Variants in LRRC4C observed in about 807,000 individuals in gnomAD.
LRRC4C encodes the protein leucine-rich repeat-containing protein 4C.
Under a neutral mutation model 33.6 loss-of-function variants are expected in LRRC4C, and 5 were observed. The ratio of observed to expected loss-of-function variants is 0.15; its 90% CI spans 0.08 to 0.31. The LOEUF (loss-of-function observed/expected upper bound fraction) is 0.31. Among genes scored for constraint, LRRC4C ranks in the 10% least tolerant of loss-of-function variants. The probability of loss-of-function intolerance (pLI) is 1.00; values close to 1 mark genes in which losing one functional copy is unlikely to be tolerated. For synonymous variants in LRRC4C, 329 were observed against 302.0 expected (o/e 1.09, Z -0.93); for missense variants, 560 against 796.7 (o/e 0.70, Z 3.58).
At chr11:41,396,107 T>G (rs1407219670) in intron 1 of LRRC4C, among the ~76,000 whole-genome samples, 1 of 152,016 alleles carries the variant, frequency 6.6e-6, no homozygotes, top group African/African-American at 2.4e-5. Flanking sequence ...AGACAAATTC[T>G]TCTTCCAATG....
chr11:41,265,866 C>CT (rs1223587122), intron 1 of LRRC4C, among the ~76,000 whole-genome samples: 2 of 35,326 alleles, frequency 5.7e-5, no homozygotes, highest in African/African-American at 2.6e-4. Context: ...GCCCATGGGT[C>CT]TTTTCTTTTT....
intron 1 of LRRC4C, among the ~76,000 whole-genome samples, chr11:41,184,275 AT>A (rs754225755): frequency 3.4e-4 from 51 of 151,004 alleles, no homozygotes; most frequent in Non-Finnish European, 6.2e-4. Context: ...TTCCTGTCAT[AT>A]TGTCAGGGTG....
At position 40,630,236 on chromosome 11, in the gene LRRC4C, G is replaced by GA. The variant is rs1217990628; in HGVS notation, c.-270+17905dup. Among the ~76,000 whole-genome samples the GA allele has an allele frequency of 2.6e-5, 4 of 152,016 alleles. No homozygotes were observed. In the South Asian group the frequency reaches 8.3e-4, roughly 32 times the overall value. ...AGGACAGGTACAAGAATCACATTGG[G>GA]AAAAAATATGACAATACACTAAGAC... On this transcript the variant is annotated intron_variant, in intron 3 of 6. Transcript: ENST00000528697.
intron 2 of LRRC4C, among the ~76,000 whole-genome samples, chr11:40,772,106 G>A (rs1464779226): frequency 6.6e-6 from 1 of 152,122 alleles, no homozygotes; most frequent in Non-Finnish European, 1.5e-5. Flanking sequence ...GCCCAAGACC[G>A]GGTAATTTAT....
At chr11:40,569,156 C>T (rs919461988) in intron 3 of LRRC4C, among the ~76,000 whole-genome samples, 2 of 152,144 alleles carry the variant, frequency 1.3e-5, no homozygotes, top group African/African-American at 4.8e-5. Flanking sequence ...GATCTCCACA[C>T]CTTTCAGGCC....
At position 41,211,601 on chromosome 11, in the gene LRRC4C, T is replaced by C. The variant is rs140478445; in HGVS notation, c.-496+247830A>G. Among the ~76,000 whole-genome samples the C allele has an allele frequency of 7.0e-3, 1,067 of 152,298 alleles. 14 individuals carry two copies. Among genetic ancestry groups the C allele is most frequent in the African/African-American group, 0.024 (993 of 41,560 alleles). Reference sequence around the variant, plus strand: ...AGTGTTTGGTTTTTTGTCCTTGTGATAGTTGGCTGAGAATGATGGTTTCCA... The same window carrying C: ...AGTGTTTGGTTTTTTGTCCTTGTGACAGTTGGCTGAGAATGATGGTTTCCA... On this transcript the variant is annotated intron_variant, in intron 1 of 6. Coordinates refer to ENST00000528697, the MANE Select transcript of LRRC4C (RefSeq NM_001258419.2).
chr11:40,503,584 T>G (rs1954886030), intron 3 of LRRC4C, among the ~76,000 whole-genome samples: 1 of 152,178 alleles, frequency 6.6e-6, no homozygotes, highest in Non-Finnish European at 1.5e-5. Flanking sequence ...TTCAATCTAT[T>G]TAAAGCTTCT....
At chr11:41,330,710 TG>T (rs1192233659) in intron 1 of LRRC4C, among the ~76,000 whole-genome samples, 1 of 152,130 alleles carries the variant, frequency 6.6e-6, no homozygotes, top group African/African-American at 2.4e-5. Flanking sequence ...TCCAAGTAAC[TG>T]GAACTACAGT....
intron 1 of LRRC4C, among the ~76,000 whole-genome samples, chr11:41,437,382 C>T (rs1955462232): frequency 1.3e-5 from 2 of 151,028 alleles, no homozygotes; most frequent in African/African-American, 2.4e-5. Context: ...CTCTCTCTTG[C>T]TCATTAAGAC....
intron 2 of LRRC4C, among the ~76,000 whole-genome samples, chr11:40,782,456 T>G (rs971411343): frequency 1.1e-4 from 16 of 152,010 alleles, no homozygotes; most frequent in Non-Finnish European, 2.4e-4. Flanking sequence ...TTTTTTTTTT[T>G]TTCTAGGAAC....
intron 3 of LRRC4C, among the ~76,000 whole-genome samples, chr11:40,395,371 C>T (rs966122753): frequency 3.3e-5 from 5 of 152,136 alleles, no homozygotes; most frequent in African/African-American, 1.2e-4. Context: ...GATGTCTTCA[C>T]AGTGCCTTCT....
At chr11:40,985,013 T>C (rs1852896882) in intron 1 of LRRC4C, among the ~76,000 whole-genome samples, 2 of 148,272 alleles carry the variant, frequency 1.3e-5, no homozygotes, top group Non-Finnish European at 3.0e-5. Context: ...GCGATTCTCC[T>C]GCCTCAGCCT....
intron 1 of LRRC4C, among the ~76,000 whole-genome samples, chr11:41,296,247 C>T (rs11036346): frequency 0.13 from 19,398 of 152,052 alleles, 1,371 homozygotes; most frequent in Middle Eastern, 0.24. Context: ...GAAATCCTGG[C>T]GGTTGTTCTG....
At chr11:40,847,855 C>T (rs1953268794) in intron 2 of LRRC4C, among the ~76,000 whole-genome samples, 1 of 137,450 alleles carries the variant, frequency 7.3e-6, no homozygotes, top group African/African-American at 2.7e-5. Flanking sequence ...TTGGTCTATT[C>T]AGGAATTCAA....
At chr11:40,768,909 C>A (rs1949614086) in intron 2 of LRRC4C, among the ~76,000 whole-genome samples, 1 of 152,004 alleles carries the variant, frequency 6.6e-6, no homozygotes, top group South Asian at 2.1e-4. Flanking sequence ...AAAGTCTTTC[C>A]TCTAAGATCT....
chr11:41,194,464 C>A (rs1459223762), intron 1 of LRRC4C, among the ~76,000 whole-genome samples: 5 of 152,076 alleles, frequency 3.3e-5, no homozygotes, highest in Admixed American at 2.6e-4. Flanking sequence ...TGGAATATAG[C>A]AAGGTAACAA....
intron 1 of LRRC4C, among the ~76,000 whole-genome samples, chr11:40,957,775 G>A (rs1959026991): frequency 1.3e-5 from 2 of 151,608 alleles, no homozygotes; most frequent in South Asian, 4.2e-4. Flanking sequence ...ATCTACTGGG[G>A]GATGAGGGGT....
chr11:40,449,238 G>T (rs1407405053), intron 3 of LRRC4C, among the ~76,000 whole-genome samples: 2 of 151,816 alleles, frequency 1.3e-5, no homozygotes, highest in Admixed American at 1.3e-4. Flanking sequence ...AAGCTCGTCA[G>T]TAAGAATTTA....
chr11:40,831,548 G>A lies in LRRC4C; in HGVS notation c.-407+102087C>T, dbSNP rs1591828687. Among the ~76,000 whole-genome samples, 5 of 152,146 alleles carry A rather than the reference G, an allele frequency of 3.3e-5. No homozygotes were observed. In the South Asian group the frequency reaches 1.0e-3, roughly 32 times the overall value. On this transcript the variant is annotated intron_variant, in intron 2 of 6. Coordinates refer to ENST00000528697, the MANE Select transcript of LRRC4C (RefSeq NM_001258419.2). ...AATGTAATTCAATATTAAATTGTGA[G>A]TACATATAACTGAAATATATAGGAA...
Sources: gnomAD v4.1 joint callset for allele counts (sites outside exome capture counted in the v4.1 genomes callset) on GRCh38, gnomAD v4.1.1 for gene constraint, MANE v1.5 for transcripts, NCBI Gene and HGNC (gene_info 2026-07-23, HGNC 2026-07-21) for gene names.